BEND4: variants seen among roughly 807,000 people sequenced by gnomAD.
BEND4 encodes the protein BEN domain-containing protein 4.
BEND4 carries 27 observed loss-of-function variants against 54.7 expected under a neutral mutation model. The ratio of observed to expected loss-of-function variants is 0.49; its 90% CI spans 0.36 to 0.68. The LOEUF is 0.68. BEND4 is among the 30% of genes least tolerant of loss of function. The probability of loss-of-function intolerance (pLI) is 0.00; values close to 1 mark genes in which losing one functional copy is unlikely to be tolerated. For missense variants in BEND4, 702 were observed against 697.2 expected, an observed-to-expected ratio of 1.01 and a Z score of -0.08; for synonymous variants, 327 against 299.5, an observed-to-expected ratio of 1.09 and a Z score of -0.95.
chr4:42,122,617 A>G (rs564939169), intron 4 of BEND4, among the ~76,000 whole-genome samples: 22 of 152,354 alleles, frequency 1.4e-4, no homozygotes, highest in South Asian at 6.2e-4. Context: ...GCCACTAAAA[A>G]GGAGACTTCT....
At chr4:42,120,428 G>A (rs1219762200) in intron 4 of BEND4, 134 bp from the exon 5 acceptor site, 17 of 1,090,970 alleles carry the variant, frequency 1.6e-5, no homozygotes, top group Middle Eastern at 2.2e-4. Flanking sequence ...ATTGAAGTGC[G>A]CAAATAATTG....
chr4:42,138,849 A>C (rs1720787876), intron 3 of BEND4, among the ~76,000 whole-genome samples: 1 of 152,180 alleles, frequency 6.6e-6, no homozygotes, highest in African/African-American at 2.4e-5. Flanking sequence ...TAAGACCCAG[A>C]GTTTTTCACA....
Position 42,130,228 on chromosome 4 carries a change from C to G in BEND4, c.1055-4554G>C, listed in dbSNP as rs183348805. Among the ~76,000 whole-genome samples the G allele has an allele frequency of 2.3e-4, 35 of 152,240 alleles. 1 individual carries two copies. In the East Asian group the frequency reaches 6.8e-3, roughly 29 times the overall value. On this transcript the variant is annotated intron_variant, in intron 3 of 5. Coordinates refer to ENST00000502486, the MANE Select transcript of BEND4 (RefSeq NM_207406.4). ...GGGCGCAGTGGTTCACGCCTGTAAT[C>G]CCAGCACTTTGGGAGGCCGAGGCGG... is the stretch of plus-strand genomic sequence containing the variant.
intron 3 of BEND4, among the ~76,000 whole-genome samples, chr4:42,130,000 T>A (rs1720445651): frequency 6.6e-6 from 1 of 152,198 alleles, no homozygotes. Context: ...AATCTATCCA[T>A]CTGACAAAGG....
rs566221107 is a variant in BEND4, at chr4:42,150,023, C to T, written c.487+1634G>A. Among the ~76,000 whole-genome samples the T allele has an allele frequency of 2.0e-5, 3 of 152,058 alleles. No individual in the cohort carries two copies. In the East Asian group the frequency reaches 5.8e-4, roughly 29 times the overall value. On this transcript the variant is annotated intron_variant, in intron 2 of 5. Transcript: ENST00000502486. ...AATGAAAATGATGGAACTGAGGCTA[C>T]GCAAAAGAGTAAAAGCAAAACACAG...
intron 3 of BEND4, among the ~76,000 whole-genome samples, chr4:42,127,539 A>T (rs1560577302): frequency 6.6e-6 from 1 of 151,978 alleles, no homozygotes. Context: ...GCTGGAAAAA[A>T]CCCTAAGTCT....
At position 42,111,956 on chromosome 4, in the gene BEND4, C is replaced by T. The variant is rs987576912; in HGVS notation, c.*5562G>A. On this transcript the variant is annotated 3_prime_UTR_variant, in exon 6 of 6. Coordinates refer to ENST00000502486, the MANE Select transcript of BEND4 (RefSeq NM_207406.4). The stretch of plus-strand genomic sequence containing the variant: ...TTCTGGTCTTCATCATAGGATCTTA[C>T]GTAGGTCAAGCCTTATACAGAAACC... 3 of 152,182 alleles carry T rather than the reference C, an allele frequency of 2.0e-5. No individual in the cohort carries two copies. Among genetic ancestry groups the T allele is most frequent in the Admixed American group, 1.3e-4 (2 of 15,276 alleles). 9.4% of individuals were successfully genotyped at this position (152,182 alleles called of 1,614,324 possible). A position where few individuals can be genotyped will look rare whatever the true frequency, so the allele number is the denominator to read the frequency against.
In BEND4 at chr4:42,117,361, C is replaced by T. The variant is rs1273279804; in HGVS notation, c.*157G>A. 2 of 592,776 alleles carry T rather than the reference C, an allele frequency of 3.4e-6. No individual in the cohort carries two copies. Among genetic ancestry groups the T allele is most frequent in the Non-Finnish European group, 5.9e-6 (2 of 338,596 alleles). 36.7% of individuals were successfully genotyped at this position (592,776 alleles called of 1,614,324 possible). ...TTGTAGGTGCCACAGACTTCCCAAA[C>T]AACCCTAAAATGGATTTCTATTTGG... On this transcript the variant is annotated 3_prime_UTR_variant, in exon 6 of 6. Coordinates refer to ENST00000502486, the MANE Select transcript of BEND4 (RefSeq NM_207406.4).
chr4:42,130,753 T>C (rs1273634733), intron 3 of BEND4, among the ~76,000 whole-genome samples: 1 of 152,178 alleles, frequency 6.6e-6, no homozygotes, highest in African/African-American at 2.4e-5. Context: ...ATTACAAAGA[T>C]ACATGCACGT....
intron 3 of BEND4, among the ~76,000 whole-genome samples, chr4:42,130,540 AATT>A (rs1019041519): frequency 6.6e-6 from 1 of 151,976 alleles, no homozygotes; most frequent in African/African-American, 2.4e-5. Flanking sequence ...TCAGAATGAC[AATT>A]ATTAAAAAGT....
chr4:42,152,275 T>G lies in BEND4; in HGVS notation c.-132A>C. On this transcript the variant is annotated 5_prime_UTR_variant, in exon 2 of 6. Transcript: ENST00000502486. ...TGTGGGAGGGTGTGTGTCTGTGCCG[T>G]GGCCGCCGCCGCCGCCGCCTGTCGC... 3.1e-5 allele frequency: 28 copies of G among 892,674 alleles called. No homozygotes were observed. Among genetic ancestry groups the G allele is most frequent in the East Asian group, 1.7e-4 (4 of 23,822 alleles). The allele number at this position is 892,674 out of a possible 1,614,324, so 55.3% of individuals were successfully genotyped here.
chr4:42,142,441 G>A (rs909145834), intron 3 of BEND4, among the ~76,000 whole-genome samples: 1 of 130,322 alleles, frequency 7.7e-6, no homozygotes, highest in Admixed American at 7.1e-5. Context: ...CCAACATGGT[G>A]AAACCCTATC....
intron 3 of BEND4, among the ~76,000 whole-genome samples, chr4:42,142,276 T>G (rs928382963): frequency 1.3e-5 from 2 of 151,352 alleles, no homozygotes; most frequent in African/African-American, 4.9e-5. Flanking sequence ...CTGTTAATGA[T>G]CTTAATGTCT....
At chr4:42,134,613 A>C (rs1411963087) in intron 3 of BEND4, among the ~76,000 whole-genome samples, 1 of 152,212 alleles carries the variant, frequency 6.6e-6, no homozygotes, top group Non-Finnish European at 1.5e-5. Context: ...CTCTCTTCAT[A>C]TCAGGACATC....
chr4:42,120,697 TA>T (rs1172240121), intron 4 of BEND4, among the ~76,000 whole-genome samples: 1 of 152,252 alleles, frequency 6.6e-6, no homozygotes, highest in African/African-American at 2.4e-5. Flanking sequence ...TACTTTTAAG[TA>T]CTTTTAGAAA....
chr4:42,129,181 C>A (rs1720412525), intron 3 of BEND4, among the ~76,000 whole-genome samples: 2 of 152,080 alleles, frequency 1.3e-5, no homozygotes, highest in Non-Finnish European at 2.9e-5. Flanking sequence ...ACAACTGCCA[C>A]AAAGAGAATA....
chr4:42,111,945 A>G lies in BEND4; in HGVS notation c.*5573T>C, dbSNP rs1465827015. 6.6e-6 allele frequency: 1 copy of G among 152,238 alleles called. No individual in the cohort carries two copies. Among genetic ancestry groups the G allele is most frequent in the Non-Finnish European group, 1.5e-5 (1 of 68,040 alleles). 9.4% of individuals were successfully genotyped at this position (152,238 alleles called of 1,614,324 possible). A position where few individuals can be genotyped will look rare whatever the true frequency, so the allele number is the denominator to read the frequency against. On this transcript the variant is annotated 3_prime_UTR_variant, in exon 6 of 6. Transcript: ENST00000502486. ...TAAAAAAAGTTTTCTGGTCTTCATC[A>G]TAGGATCTTACGTAGGTCAAGCCTT...
intron 4 of BEND4, among the ~76,000 whole-genome samples, chr4:42,123,775 G>A (rs922286307): frequency 6.6e-6 from 1 of 151,254 alleles, no homozygotes; most frequent in African/African-American, 2.4e-5. Flanking sequence ...TCAGGTGAGA[G>A]AGTCAACCTA....
Position 42,111,847 on chromosome 4 carries a change from T to C in BEND4, c.*5671A>G, listed in dbSNP as rs1719583240. ...GTTCAAATGTTTGCTTTTATCTCCCTGCATTTTTGCACTAGGAACCTATGG... is the reference window on the plus strand; with the variant it reads ...GTTCAAATGTTTGCTTTTATCTCCCCGCATTTTTGCACTAGGAACCTATGG... On this transcript the variant is annotated 3_prime_UTR_variant, in exon 6 of 6. Transcript: ENST00000502486. 6.6e-6 allele frequency: 1 copy of C among 152,222 alleles called. No homozygotes were observed. The highest frequency in any genetic ancestry group is 2.4e-5 in the African/African-American group (1 of 41,452). 9.4% of individuals were successfully genotyped at this position (152,222 alleles called of 1,614,324 possible). A position where few individuals can be genotyped will look rare whatever the true frequency, so the allele number is the denominator to read the frequency against.
Sources: gnomAD v4.1 joint callset for allele counts (sites outside exome capture counted in the v4.1 genomes callset) on GRCh38, gnomAD v4.1.1 for gene constraint, MANE v1.5 for transcripts, NCBI Gene and HGNC (gene_info 2026-07-23, HGNC 2026-07-21) for gene names.